UBR3: variants seen among roughly 807,000 people sequenced by gnomAD.
UBR3 encodes the protein ubiquitin protein ligase E3 component n-recognin 3, also known as E3 ubiquitin-protein ligase UBR3.
UBR3 carries 85 observed loss-of-function variants against 243.2 expected under a neutral mutation model. That is an observed-to-expected ratio of 0.35 (90% CI 0.29 to 0.42). UBR3 has a LOEUF of 0.42. Ranked by LOEUF, UBR3 falls within the 10% of genes least tolerant of loss-of-function variation. UBR3 has a pLI of 1.00. For synonymous variants in UBR3, 748 were observed against 799.8 expected, an observed-to-expected ratio of 0.94 and a Z score of 1.09; for missense variants, 1,686 against 2,300.8, an observed-to-expected ratio of 0.73 and a Z score of 5.47.
chr2:170,049,548 G>A (rs1156475753), intron 32 of UBR3, among the ~76,000 whole-genome samples: 1 of 151,718 alleles, frequency 6.6e-6, no homozygotes, highest in Non-Finnish European at 1.5e-5. Context: ...GGATAAGGGG[G>A]GGATTACTAT....
intron 31 of UBR3, among the ~76,000 whole-genome samples, chr2:170,035,926 A>C (rs2090819425): frequency 7.1e-6 from 1 of 140,418 alleles, no homozygotes; most frequent in South Asian, 2.4e-4. Flanking sequence ...GGGGGTTGCT[A>C]ATTTAAATGA....
intron 23 of UBR3, among the ~76,000 whole-genome samples, chr2:169,955,598 A>G (rs1169980603): frequency 6.6e-6 from 1 of 151,944 alleles, no homozygotes; most frequent in African/African-American, 2.4e-5. Context: ...GTTCGAGATC[A>G]GCCTGGCCAA....
At chr2:170,044,080 G>A (rs1488939866) in intron 32 of UBR3, among the ~76,000 whole-genome samples, 1 of 151,976 alleles carries the variant, frequency 6.6e-6, no homozygotes, top group East Asian at 1.9e-4. Context: ...TTGAGGGGAG[G>A]TGGAGAGTTG....
intron 24 of UBR3, among the ~76,000 whole-genome samples, chr2:169,959,206 A>T (rs1488145474): frequency 5.3e-5 from 8 of 152,108 alleles, no homozygotes; most frequent in African/African-American, 1.9e-4. Flanking sequence ...GTACATTTTC[A>T]TGCATTTTTG....
At chr2:169,936,883 G>C (rs538011418) in intron 19 of UBR3, among the ~76,000 whole-genome samples, 10 of 152,100 alleles carry the variant, frequency 6.6e-5, no homozygotes, top group African/African-American at 2.4e-4. Flanking sequence ...AGGATTCCAC[G>C]GTGTATATGT....
chr2:169,978,888 G>T (rs571394391), intron 24 of UBR3, among the ~76,000 whole-genome samples: 3 of 152,064 alleles, frequency 2.0e-5, no homozygotes, highest in African/African-American at 7.2e-5. Context: ...TGGGATGAGG[G>T]GTGTTATATC....
chr2:170,004,619 C>T (rs1170054248), intron 27 of UBR3, among the ~76,000 whole-genome samples: 1 of 152,040 alleles, frequency 6.6e-6, no homozygotes, highest in East Asian at 1.9e-4. Context: ...GTTTGAAAAA[C>T]CACTTTGGGG....
intron 19 of UBR3, among the ~76,000 whole-genome samples, chr2:169,933,505 A>C (rs1269885303): frequency 6.6e-6 from 1 of 152,218 alleles, no homozygotes; most frequent in Admixed American, 6.5e-5. Flanking sequence ...ATTTTGAAAG[A>C]TATCTTTTAA....
At chr2:169,844,096 T>A (rs965936254) in intron 1 of UBR3, among the ~76,000 whole-genome samples, 2 of 149,790 alleles carry the variant, frequency 1.3e-5, no homozygotes, top group Non-Finnish European at 3.0e-5. Flanking sequence ...AACCTCAGCC[T>A]CCTGGGTTCA....
At chr2:169,857,064 G>GGTTTTTTTTTT (rs2082901383) in intron 1 of UBR3, among the ~76,000 whole-genome samples, 1 of 56,082 alleles carries the variant, frequency 1.8e-5, no homozygotes, top group Non-Finnish European at 3.2e-5. Flanking sequence ...ATTTTATTAT[G>GGTTTTTTTTTT]TTTTTTTTTT....
chr2:169,829,499 C>G (rs1212585292), intron 1 of UBR3, among the ~76,000 whole-genome samples: 1 of 149,062 alleles, frequency 6.7e-6, no homozygotes, highest in East Asian at 2.0e-4. Flanking sequence ...CCTCGGCTCA[C>G]TGAAACCTCC....
chr2:170,075,537 A>AT lies in UBR3; in HGVS notation c.5199+1931dup, dbSNP rs1186142842. Among the ~76,000 whole-genome samples, 7 of 152,286 alleles carry AT rather than the reference A, an allele frequency of 4.6e-5. 1 individual carries two copies. Among genetic ancestry groups the AT allele is most frequent in the African/African-American group, 1.7e-4 (7 of 41,572 alleles). On this transcript the variant is annotated intron_variant, in intron 36 of 38. Coordinates refer to ENST00000272793, the MANE Select transcript of UBR3 (RefSeq NM_172070.4). ...TTTAATCTTTTCATATAATTAGGTG[A>AT]TAATTATTGTAGAGGCAGTGTAGTA...
intron 32 of UBR3, among the ~76,000 whole-genome samples, chr2:170,052,343 T>C (rs1487123840): frequency 6.6e-6 from 1 of 152,194 alleles, no homozygotes; most frequent in African/African-American, 2.4e-5. Flanking sequence ...GTCCCACTTC[T>C]GGGTGTACAT....
chr2:170,036,018 T>C (rs1028944858), intron 31 of UBR3, among the ~76,000 whole-genome samples: 1 of 151,970 alleles, frequency 6.6e-6, no homozygotes, highest in Admixed American at 6.6e-5. Context: ...TAATCTTGTG[T>C]CCTGTAGCCT....
At chr2:170,054,929 A>G (rs1349135149) in intron 32 of UBR3, among the ~76,000 whole-genome samples, 2 of 152,174 alleles carry the variant, frequency 1.3e-5, no homozygotes, top group African/African-American at 4.8e-5. Context: ...TATGCTGAGT[A>G]CTTCTCATTT....
At chr2:169,888,465 C>G (rs1479125149) in intron 5 of UBR3, among the ~76,000 whole-genome samples, 1 of 152,110 alleles carries the variant, frequency 6.6e-6, no homozygotes, top group Non-Finnish European at 1.5e-5. Context: ...AAATGTCTGA[C>G]ATTCTAACAG....
At chr2:169,837,618 G>C (rs142109026) in intron 1 of UBR3, among the ~76,000 whole-genome samples, 236 of 152,318 alleles carry the variant, frequency 1.5e-3, no homozygotes, top group African/African-American at 4.8e-3. Flanking sequence ...AGAGCAGCAG[G>C]GGGGGAGAAG....
At chr2:169,885,772 A>G (rs1341209506) in intron 5 of UBR3, among the ~76,000 whole-genome samples, 1 of 152,216 alleles carries the variant, frequency 6.6e-6, no homozygotes, top group Admixed American at 6.5e-5. Flanking sequence ...TTTATTCAAG[A>G]CACAATCCAA....
At chr2:169,950,153 GATGT>G in intron 23 of UBR3, 88 bp downstream of exon 23, 1 of 1,229,052 alleles carries the variant, frequency 8.1e-7, no homozygotes, top group Non-Finnish European at 1.1e-6. Flanking sequence ...TAATCACCTG[GATGT>G]TTAACAGGAA....
Sources: allele counts gnomAD v4.1 joint callset (sites outside exome capture counted in the v4.1 genomes callset), GRCh38; gene constraint gnomAD v4.1.1; transcripts MANE v1.5; gene names NCBI Gene and HGNC (gene_info 2026-07-23, HGNC 2026-07-21).